ZNF175: variants seen among roughly 807,000 people sequenced by gnomAD.
The protein encoded by ZNF175 is zinc finger protein 175, also known as zinc finger protein OTK18.
ZNF175 carries 8 observed loss-of-function variants against 14.0 expected under a neutral mutation model. That is an observed-to-expected ratio of 0.57 (90% CI 0.34 to 1.03). The LOEUF is 1.03. Among genes scored for constraint, ZNF175 ranks in the 50% least tolerant of loss-of-function variants. The pLI, the probability that ZNF175 is intolerant of heterozygous loss-of-function variation, is 0.03. For missense variants in ZNF175, 764 were observed against 849.5 expected, an observed-to-expected ratio of 0.90 and a Z score of 1.25; for synonymous variants, 255 against 296.8, an observed-to-expected ratio of 0.86 and a Z score of 1.45.
Position 51,574,700 on chromosome 19 carries a change from C to CT in ZNF175, c.72+1300dup, listed in dbSNP as rs1351308622. ...AAACAAGTTTAAAACATGAAATTGT[C>CT]TAAGTCTTTGTGACAGCAGTGCAGA... On this transcript the variant is annotated intron_variant, in intron 2 of 4. Coordinates refer to ENST00000262259, the MANE Select transcript of ZNF175 (RefSeq NM_007147.4). Among the ~76,000 whole-genome samples the CT allele has an allele frequency of 9.8e-5, 15 of 152,328 alleles. No homozygotes were observed. In the East Asian group the frequency reaches 2.5e-3, roughly 25 times the overall value.
chr19:51,581,106 A>G (rs1249796778), intron 2 of ZNF175, among the ~76,000 whole-genome samples: 7 of 152,138 alleles, frequency 4.6e-5, no homozygotes, highest in Admixed American at 3.9e-4. Context: ...TGCTTCGTCA[A>G]CATCATGCTG....
Position 51,590,277 on chromosome 19 carries a change from T to C in ZNF175, c.*1810T>C, listed in dbSNP as rs1982311335. On this transcript the variant is annotated 3_prime_UTR_variant, in exon 5 of 5. Coordinates refer to ENST00000262259, the MANE Select transcript of ZNF175 (RefSeq NM_007147.4). Reference sequence around the variant, plus strand: ...GTTATTTGGTCTCATCTATTCTGGTTTTCTCATCTACAAAAGGGAGATGAT... The same window carrying C: ...GTTATTTGGTCTCATCTATTCTGGTCTTCTCATCTACAAAAGGGAGATGAT... 1 of 152,314 alleles carries C rather than the reference T, an allele frequency of 6.6e-6. No homozygotes were observed. The highest frequency in any genetic ancestry group is 6.5e-5 in the Admixed American group (1 of 15,278). The allele number at this position is 152,314 out of a possible 1,614,324, so 9.4% of individuals were successfully genotyped here.
Position 51,589,605 on chromosome 19 carries a change from A to G in ZNF175, c.*1138A>G, listed in dbSNP as rs1982293027. 1 of 701,534 alleles carries G rather than the reference A, an allele frequency of 1.4e-6. No homozygotes were observed. The highest frequency in any genetic ancestry group is 2.6e-6 in the Non-Finnish European group (1 of 384,664). 43.5% of individuals were successfully genotyped at this position (701,534 alleles called of 1,614,324 possible). A position where few individuals can be genotyped will look rare whatever the true frequency, so the allele number is the denominator to read the frequency against. On this transcript the variant is annotated 3_prime_UTR_variant, in exon 5 of 5. Coordinates refer to ENST00000262259, the MANE Select transcript of ZNF175 (RefSeq NM_007147.4). ...CACCATCTATAGTGAGCCTCTCCAT[A>G]ATTAGTGCCAACCATTAGTCTCGTT...
rs1982288851 is a variant in ZNF175 at position 51,589,536 on chromosome 19, CTCT to C, written c.*1074_*1076del. ...TACTGATCTTTATATTACAGATTTT[CTCT>C]TCTTTTAGGATTAGCTCAGCTTGCC... On this transcript the variant is annotated 3_prime_UTR_variant, in exon 5 of 5. Transcript: ENST00000262259. 1.4e-6 allele frequency: 1 copy of C among 701,588 alleles called. No homozygotes were observed. 43.5% of individuals were successfully genotyped at this position (701,588 alleles called of 1,614,324 possible).
chr19:51,581,571 T>A, intron 3 of ZNF175, 54 bp downstream of exon 3: 1 of 1,580,550 alleles, frequency 6.3e-7, no homozygotes. Context: ...GAGATTTCCT[T>A]CCTCCTCATT....
At chr19:51,574,282 A>G (rs1484601017) in intron 2 of ZNF175, 3 of 147,448 alleles carry the variant, frequency 2.0e-5, no homozygotes, top group Admixed American at 2.0e-4. Context: ...TTGATAATAG[A>G]AAGTATTAAA....
Position 51,588,091 on chromosome 19 carries a change from A to G in ZNF175, c.1760A>G (p.Tyr587Cys), listed in dbSNP as rs146263941. ...HQRIHTGEKPYVCTECGKAFN... is the reference protein window; with the variant it reads ...HQRIHTGEKPCVCTECGKAFN... ...CGAATTCACACGGGTGAGAAACCCT[A>G]TGTGTGCACTGAATGTGGGAAGGCC... The change falls in exon 5 of 5, where the codon TAT (tyrosine) becomes TGT (cysteine). Residue 587 changes from tyrosine (Y) to cysteine (C), a missense_variant. By Grantham distance (194) the Tyr-to-Cys change is radical. Coordinates refer to ENST00000262259, the MANE Select transcript of ZNF175 (RefSeq NM_007147.4). The G allele has an allele frequency of 1.4e-5, 22 of 1,614,116 alleles. No homozygotes were observed. Among genetic ancestry groups the G allele is most frequent in the East Asian group, 4.5e-5 (2 of 44,902 alleles).
rs1982291273 is a variant in ZNF175, at chr19:51,589,576, T to C, written c.*1109T>C. On this transcript the variant is annotated 3_prime_UTR_variant, in exon 5 of 5. Coordinates refer to ENST00000262259, the MANE Select transcript of ZNF175 (RefSeq NM_007147.4). ...TAGCTCAGCTTGCCCCCCCTTTCCA[T>C]CTCCACCATCTATAGTGAGCCTCTC... 5.7e-5 allele frequency: 40 copies of C among 702,216 alleles called. No individual in the cohort carries two copies. In the East Asian group the frequency reaches 1.1e-3, roughly 19 times the overall value. 43.5% of individuals were successfully genotyped at this position (702,216 alleles called of 1,614,324 possible). A position where few individuals can be genotyped will look rare whatever the true frequency, so the allele number is the denominator to read the frequency against.
chr19:51,585,503 TTAAAAGTGTCCTTTTTTTAAAAAAAGAA>T (rs1184960298), intron 4 of ZNF175, among the ~76,000 whole-genome samples: 2 of 152,070 alleles, frequency 1.3e-5, no homozygotes, highest in Non-Finnish European at 2.9e-5. Flanking sequence ...ACAATAAAGA[TTAAAAGTGTCCTTTTTTTAAAAAAAGAA>T]TGAAAGATGA....
chr19:51,578,325 G>A lies in ZNF175; in HGVS notation c.73-3066G>A, dbSNP rs138846364. Among the ~76,000 whole-genome samples the A allele has an allele frequency of 5.1e-3, 773 of 152,078 alleles. 7 individuals carry two copies. The highest frequency in any genetic ancestry group is 8.9e-3 in the Non-Finnish European group (606 of 67,976). ...TGAGGCAGGAGAATCGCCTGAACCC[G>A]GGAGGTGGAGGTTGCAGTGATCCAA... is the stretch of plus-strand genomic sequence containing the variant. On this transcript the variant is annotated intron_variant, in intron 2 of 4. Coordinates refer to ENST00000262259, the MANE Select transcript of ZNF175 (RefSeq NM_007147.4).
Position 51,589,112 on chromosome 19 carries a change from C to G in ZNF175, c.*645C>G. 5.0e-6 allele frequency: 1 copy of G among 201,510 alleles called. No homozygotes were observed. Among genetic ancestry groups the G allele is most frequent in the Non-Finnish European group, 9.8e-6 (1 of 101,826 alleles). 12.5% of individuals were successfully genotyped at this position (201,510 alleles called of 1,614,324 possible). A position where few individuals can be genotyped will look rare whatever the true frequency, so the allele number is the denominator to read the frequency against. On this transcript the variant is annotated 3_prime_UTR_variant, in exon 5 of 5. Coordinates refer to ENST00000262259, the MANE Select transcript of ZNF175 (RefSeq NM_007147.4). The stretch of plus-strand genomic sequence containing the variant: ...GATTAAATGCTCCAATTAGCATTTC[C>G]TTTGAGCGTCATGTTAGAGTTCAAA...
rs769994268 is a variant in ZNF175 at position 51,587,991 on chromosome 19, A to G, written c.1660A>G (p.Thr554Ala). 3 of 1,614,240 alleles carry G rather than the reference A, an allele frequency of 1.9e-6. No homozygotes were observed. In the East Asian group the frequency reaches 6.7e-5, roughly 36 times the overall value. ...SILSMHQRIH[T>A]GEKPYKCSEC... is the part of the protein sequence containing the mutation. The stretch of plus-strand genomic sequence containing the variant: ...ACTCAGCATGCATCAGAGAATTCAC[A>G]CCGGAGAGAAGCCTTACAAATGCAG... Residue 554 changes from threonine (T) to alanine (A), a missense_variant, in exon 5 of 5, where the codon ACC (threonine) becomes GCC (alanine). Physicochemically the swap from Thr to Ala is moderately conservative, Grantham distance 58. Transcript: ENST00000262259.
chr19:51,577,943 G>A (rs1459076378), intron 2 of ZNF175, among the ~76,000 whole-genome samples: 12 of 151,328 alleles, frequency 7.9e-5, no homozygotes, highest in Non-Finnish European at 1.0e-4. Context: ...GATTACAGGC[G>A]TGAGCCACCG....
chr19:51,576,881 C>T (rs903360313), intron 2 of ZNF175, among the ~76,000 whole-genome samples: 6 of 152,056 alleles, frequency 3.9e-5, no homozygotes, highest in South Asian at 2.1e-4. Flanking sequence ...GGACGGTACA[C>T]GGCAGTAAAT....
At chr19:51,574,934 C>T (rs1019391777) in intron 2 of ZNF175, among the ~76,000 whole-genome samples, 4 of 152,030 alleles carry the variant, frequency 2.6e-5, no homozygotes, top group African/African-American at 9.7e-5. Flanking sequence ...TGTCTGAATT[C>T]ATGTCAGAGT....
At chr19:51,577,667 T>TA (rs1981835742) in intron 2 of ZNF175, among the ~76,000 whole-genome samples, 1 of 148,554 alleles carries the variant, frequency 6.7e-6, no homozygotes, top group South Asian at 2.2e-4. Flanking sequence ...CTCTCTCTTT[T>TA]TTTTTTTTTT....
chr19:51,582,009 CATCA>C, intron 4 of ZNF175, 127 bp downstream of exon 4: 2 of 810,282 alleles, frequency 2.5e-6, no homozygotes, highest in Non-Finnish European at 4.0e-6. Flanking sequence ...CCCAGTTTCC[CATCA>C]AACACTGTAA....
intron 2 of ZNF175, among the ~76,000 whole-genome samples, chr19:51,574,654 G>A (rs1384025959): frequency 1.3e-5 from 2 of 152,192 alleles, no homozygotes; most frequent in Admixed American, 6.5e-5. Flanking sequence ...GGGCAATAGA[G>A]TGAGACCCTG....
At chr19:51,573,541 C>T in intron 2 of ZNF175, 140 bp downstream of exon 2, 1 of 722,216 alleles carries the variant, frequency 1.4e-6, no homozygotes, top group East Asian at 2.8e-5. Context: ...TTTCCACATT[C>T]ATAGGCTATC....
Sources: gnomAD v4.1 joint callset for allele counts (sites outside exome capture counted in the v4.1 genomes callset) on GRCh38, gnomAD v4.1.1 for gene constraint, MANE v1.5 for transcripts, NCBI Gene and HGNC (gene_info 2026-07-23, HGNC 2026-07-21) for gene names.